DNAH9: variants seen among roughly 807,000 people sequenced by gnomAD.
DNAH9 encodes the protein DNAH9 variant protein.
Under a neutral mutation model 471.6 loss-of-function variants are expected in DNAH9, and 345 were observed. That is an observed-to-expected ratio of 0.73 (90% confidence interval 0.67 to 0.80). The LOEUF (loss-of-function observed/expected upper bound fraction) is 0.80, where lower values mean the gene tolerates loss of function less well. Ranked by LOEUF, DNAH9 falls within the 30% of genes least tolerant of loss-of-function variation. The pLI, the probability that DNAH9 is intolerant of heterozygous loss-of-function variation, is 0.00. For missense variants in DNAH9, 5,407 were observed against 5,609.2 expected, an observed-to-expected ratio of 0.96 and a Z score of 1.15; for synonymous variants, 2,093 against 2,123.6, an observed-to-expected ratio of 0.99 and a Z score of 0.40.
intron 41 of DNAH9, among the ~76,000 whole-genome samples, chr17:11,791,636 G>A (rs185206734): frequency 3.4e-4 from 51 of 152,218 alleles, no homozygotes; most frequent in African/African-American, 9.9e-4. Flanking sequence ...GCTTGAACCC[G>A]GGAGGTGGAG....
At chr17:11,695,437 C>T (rs566548044) in intron 22 of DNAH9, among the ~76,000 whole-genome samples, 2 of 152,226 alleles carry the variant, frequency 1.3e-5, no homozygotes, top group South Asian at 4.1e-4. Context: ...GGAGGTAAGG[C>T]TTATTGGCAA....
Position 11,699,889 on chromosome 17 carries a change from A to G in DNAH9, c.5025+6A>G. On this transcript the variant is annotated splice_donor_region_variant and intron_variant, in intron 23 of 68. Transcript: ENST00000262442. Reference sequence around the variant, plus strand: ...CCTGTGACTGCAGCGGGCAGGTAACACAGTAGCCCTTTCCCCTCCTTCTGC... The same window carrying G: ...CCTGTGACTGCAGCGGGCAGGTAACGCAGTAGCCCTTTCCCCTCCTTCTGC... 2.5e-6 allele frequency: 4 copies of G among 1,613,906 alleles called. No homozygotes were observed. Among genetic ancestry groups the G allele is most frequent in the Non-Finnish European group, 3.4e-6 (4 of 1,179,824 alleles).
intron 53 of DNAH9, 75 bp from the exon 54 acceptor site, chr17:11,880,003 C>A (rs966570202): frequency 5.1e-6 from 8 of 1,570,872 alleles, no homozygotes; most frequent in Non-Finnish European, 7.0e-6. Flanking sequence ...AGAGGTCACG[C>A]TTGTCTCATT....
At chr17:11,762,788 T>TTTTTTTTTTTTTGTTTTTTTTG (rs1597610213) in intron 35 of DNAH9, among the ~76,000 whole-genome samples, 1 of 121,184 alleles carries the variant, frequency 8.3e-6, no homozygotes, top group Non-Finnish European at 1.7e-5. Context: ...TTTTTTTTTT[T>TTTTTTTTTTTTTGTTTTTTTTG]TTTTTTTTTG....
In DNAH9 at chr17:11,923,812, A is replaced by G. The variant is rs761131072; in HGVS notation, c.11750-2A>G. ...ATAATGACGCCTCCATCCTCCTTTT[A>G]GGAAGAAAACTTGGATACACCTTCA... On this transcript the variant is annotated splice_acceptor_variant, in intron 61 of 68. Coordinates refer to ENST00000262442, the MANE Select transcript of DNAH9 (RefSeq NM_001372.4). LOFTEE classifies it high-confidence loss of function. 1 of 1,613,688 alleles carries G rather than the reference A, an allele frequency of 6.2e-7. No homozygotes were observed.
At chr17:11,758,232 G>A (rs1425719897) in intron 35 of DNAH9, among the ~76,000 whole-genome samples, 1 of 152,188 alleles carries the variant, frequency 6.6e-6, no homozygotes, top group Non-Finnish European at 1.5e-5. Context: ...GTAAAAGTAA[G>A]AGCAACAAGC....
chr17:11,637,379 A>G (rs2073184392), intron 9 of DNAH9, among the ~76,000 whole-genome samples: 1 of 152,236 alleles, frequency 6.6e-6, no homozygotes, highest in Admixed American at 6.5e-5. Context: ...TAAAATAAAT[A>G]ATGAATACAA....
At chr17:11,826,676 A>G (rs959995935) in intron 48 of DNAH9, among the ~76,000 whole-genome samples, 11 of 149,878 alleles carry the variant, frequency 7.3e-5, no homozygotes, top group Admixed American at 6.7e-4. Context: ...GTTAGCCAGG[A>G]TGGTCTTGAT....
intron 38 of DNAH9, 22 bp downstream of exon 38, chr17:11,769,351 G>T (rs1176018868): frequency 3.8e-6 from 6 of 1,589,824 alleles, no homozygotes; most frequent in African/African-American, 1.3e-5. Flanking sequence ...AGGGCACCTG[G>T]GGTGGGGGGC....
intron 32 of DNAH9, among the ~76,000 whole-genome samples, chr17:11,749,211 A>C (rs1368770868): frequency 6.6e-6 from 1 of 150,870 alleles, no homozygotes; most frequent in Non-Finnish European, 1.5e-5. Context: ...CAGCCTCCCG[A>C]GTAGCTGGGA....
intron 26 of DNAH9, among the ~76,000 whole-genome samples, chr17:11,717,747 A>G (rs2074989567): frequency 6.6e-6 from 1 of 152,108 alleles, no homozygotes; most frequent in Non-Finnish European, 1.5e-5. Flanking sequence ...CTATCATCCA[A>G]CTGTAGAGCA....
rs142418225 is a variant in DNAH9 at position 11,759,268 on chromosome 17, C to A, written c.6995+1576C>A. ...CCAATGGGGGTATTTCAACCCTCAA[C>A]CCCCTGCCACCCTCCCACCTTTTGG... is the stretch of plus-strand genomic sequence containing the variant. On this transcript the variant is annotated intron_variant, in intron 35 of 68. Transcript: ENST00000262442. Among the ~76,000 whole-genome samples, 644 of 152,054 alleles carry A rather than the reference C, an allele frequency of 4.2e-3. 7 individuals carry two copies. The highest frequency in any genetic ancestry group is 0.014 in the African/African-American group (594 of 41,468).
At chr17:11,944,051 T>C (rs1975034170) in intron 67 of DNAH9, among the ~76,000 whole-genome samples, 1 of 152,222 alleles carries the variant, frequency 6.6e-6, no homozygotes, top group Admixed American at 6.5e-5. Context: ...TTCACTCATT[T>C]TTCTTTCGAG....
At chr17:11,886,200 T>C (rs1972871447) in intron 56 of DNAH9, among the ~76,000 whole-genome samples, 1 of 152,122 alleles carries the variant, frequency 6.6e-6, no homozygotes, top group Non-Finnish European at 1.5e-5. Flanking sequence ...GGCAGGCGCC[T>C]GTAATCCCAG....
intron 4 of DNAH9, among the ~76,000 whole-genome samples, chr17:11,616,724 G>T (rs1157829947): frequency 6.6e-6 from 1 of 152,134 alleles, no homozygotes; most frequent in Non-Finnish European, 1.5e-5. Flanking sequence ...GGGTACATGT[G>T]CACAACGTAC....
At chr17:11,942,620 C>T (rs1567566493) in intron 67 of DNAH9, 135 bp downstream of exon 67, 1 of 839,654 alleles carries the variant, frequency 1.2e-6, no homozygotes, top group Non-Finnish European at 1.8e-6. Context: ...GCCCAAAAGT[C>T]ATCACTCCCC....
chr17:11,642,946 T>C (rs150889621), intron 10 of DNAH9, among the ~76,000 whole-genome samples: 66 of 152,346 alleles, frequency 4.3e-4, no homozygotes, highest in South Asian at 3.5e-3. Context: ...CTGCAGGCGC[T>C]AGGGCTTCTG....
At chr17:11,859,173 G>A (rs1486419867) in intron 50 of DNAH9, among the ~76,000 whole-genome samples, 1 of 151,722 alleles carries the variant, frequency 6.6e-6, no homozygotes, top group East Asian at 1.9e-4. Context: ...AACATTTTGG[G>A]AGGCTGAGAC....
chr17:11,738,454 C>T (rs1360397683), intron 28 of DNAH9, among the ~76,000 whole-genome samples: 1 of 152,146 alleles, frequency 6.6e-6, no homozygotes, highest in African/African-American at 2.4e-5. Flanking sequence ...GATCTCGGCT[C>T]ACGGCAACCT....
Sources: allele counts gnomAD v4.1 joint callset (sites outside exome capture counted in the v4.1 genomes callset), GRCh38; gene constraint gnomAD v4.1.1; transcripts MANE v1.5; gene names NCBI Gene and HGNC (gene_info 2026-07-23, HGNC 2026-07-21).